The following ZNF804A variants were observed in gnomAD, a reference collection of about 807,000 sequenced individuals.
The protein encoded by ZNF804A is zinc finger protein 804A.
A neutral mutation model predicts 16.5 loss-of-function variants in ZNF804A; 2 were observed. The ratio of observed to expected loss-of-function variants is 0.12; its 90% confidence interval spans 0.05 to 0.38. The LOEUF (loss-of-function observed/expected upper bound fraction) is 0.38, where lower values mean the gene tolerates loss of function less well. Among genes scored for constraint, ZNF804A ranks in the 10% least tolerant of loss-of-function variants. The pLI is 0.99. For missense variants in ZNF804A, 1,473 were observed against 1,390.7 expected, an observed-to-expected ratio of 1.06 and a Z score of -0.94; for synonymous variants, 534 against 489.6, an observed-to-expected ratio of 1.09 and a Z score of -1.20.
At chr2:184,615,915 C>A (rs951453575) in intron 1 of ZNF804A, among the ~76,000 whole-genome samples, 3 of 152,052 alleles carry the variant, frequency 2.0e-5, no homozygotes, top group Admixed American at 1.3e-4. Flanking sequence ...GTTCCTGGGC[C>A]TGAAGATCCA....
intron 2 of ZNF804A, among the ~76,000 whole-genome samples, chr2:184,924,142 G>A (rs946757366): frequency 1.8e-4 from 28 of 151,546 alleles, no homozygotes; most frequent in African/African-American, 6.8e-4. Context: ...AGTCTGAGTA[G>A]GATTGCTACT....
chr2:184,857,217 T>C (rs1695702833), intron 1 of ZNF804A, among the ~76,000 whole-genome samples: 1 of 152,122 alleles, frequency 6.6e-6, no homozygotes, highest in East Asian at 1.9e-4. Context: ...ATTTTTCCTT[T>C]TAATTTCTTC....
At chr2:184,924,877 G>A (rs1028787188) in intron 2 of ZNF804A, among the ~76,000 whole-genome samples, 4 of 151,238 alleles carry the variant, frequency 2.6e-5, no homozygotes, top group Non-Finnish European at 5.9e-5. Flanking sequence ...TTGATTTCTG[G>A]TTTTATTCCA....
intron 2 of ZNF804A, among the ~76,000 whole-genome samples, chr2:184,910,970 C>G (rs7590456): frequency 0.044 from 6,615 of 151,984 alleles, 468 homozygotes; most frequent in African/African-American, 0.15. Flanking sequence ...TGCAGAAGCT[C>G]TTTATTTTAA....
chr2:184,907,331 A>T (rs1685292013), intron 2 of ZNF804A, among the ~76,000 whole-genome samples: 1 of 152,164 alleles, frequency 6.6e-6, no homozygotes, highest in Non-Finnish European at 1.5e-5. Flanking sequence ...CTGACTTGGA[A>T]ATTACCTGTG....
intron 1 of ZNF804A, among the ~76,000 whole-genome samples, chr2:184,635,481 C>A (rs1691680714): frequency 6.6e-6 from 1 of 152,004 alleles, no homozygotes; most frequent in Non-Finnish European, 1.5e-5. Context: ...AATAATGAAT[C>A]TTATATTTAT....
intron 1 of ZNF804A, among the ~76,000 whole-genome samples, chr2:184,822,113 G>A: frequency 6.6e-6 from 1 of 152,010 alleles, no homozygotes; most frequent in East Asian, 1.9e-4. Context: ...ACATGCATGT[G>A]TATGTTCATC....
chr2:184,764,578 A>C (rs1694087769), intron 1 of ZNF804A, among the ~76,000 whole-genome samples: 1 of 152,136 alleles, frequency 6.6e-6, no homozygotes, highest in Non-Finnish European at 1.5e-5. Flanking sequence ...TTAGCCATAC[A>C]CTGTGTAATC....
intron 2 of ZNF804A, among the ~76,000 whole-genome samples, chr2:184,917,794 TACACACACAC>T (rs148689593): frequency 7.7e-5 from 11 of 142,942 alleles, no homozygotes; most frequent in African/African-American, 1.3e-4. Context: ...AACTAGCACA[TACACACACAC>T]ACACACACAC....
At chr2:184,670,517 G>C (rs114519758) in intron 1 of ZNF804A, among the ~76,000 whole-genome samples, 1 of 151,732 alleles carries the variant, frequency 6.6e-6, no homozygotes, top group Non-Finnish European at 1.5e-5. Context: ...TTTAGTTCTT[G>C]GATTCCCTAT....
chr2:184,700,201 G>C (rs1014338032), intron 1 of ZNF804A, among the ~76,000 whole-genome samples: 4 of 152,004 alleles, frequency 2.6e-5, no homozygotes, highest in African/African-American at 7.2e-5. Context: ...GTGTTTTCAA[G>C]CATTTTTGTT....
At chr2:184,911,027 G>T (rs186606489) in intron 2 of ZNF804A, among the ~76,000 whole-genome samples, 2 of 151,982 alleles carry the variant, frequency 1.3e-5, no homozygotes, top group East Asian at 1.9e-4. Flanking sequence ...TATTTTTGAG[G>T]ACTTAGTCAT....
At chr2:184,816,112 TA>T (rs1217199513) in intron 1 of ZNF804A, among the ~76,000 whole-genome samples, 4 of 152,052 alleles carry the variant, frequency 2.6e-5, no homozygotes, top group Non-Finnish European at 4.4e-5. Context: ...CCTCAGGCAA[TA>T]AAAGACTCCA....
rs190442553 is a variant in ZNF804A, at chr2:184,603,505, A to T, written c.111+4435A>T. Reference sequence around the variant, plus strand: ...TTATTGAATATAACTTATTTTTCATATAATTCCTTTGAACATTTTCTAAAT... The same window carrying T: ...TTATTGAATATAACTTATTTTTCATTTAATTCCTTTGAACATTTTCTAAAT... On this transcript the variant is annotated intron_variant, in intron 1 of 3. Transcript: ENST00000302277. 1.0e-3 allele frequency among the ~76,000 whole-genome samples: 156 copies of T among 152,322 alleles called. 1 individual carries two copies. The highest frequency in any genetic ancestry group is 2.9e-3 in the Admixed American group (44 of 15,294).
At chr2:184,635,574 T>C (rs1272824985) in intron 1 of ZNF804A, among the ~76,000 whole-genome samples, 4 of 152,144 alleles carry the variant, frequency 2.6e-5, no homozygotes, top group Admixed American at 2.0e-4. Flanking sequence ...TATAAACTAG[T>C]TAACAAATTA....
intron 1 of ZNF804A, among the ~76,000 whole-genome samples, chr2:184,637,809 G>A (rs1691725216): frequency 6.6e-6 from 1 of 152,092 alleles, no homozygotes; most frequent in African/African-American, 2.4e-5. Flanking sequence ...TGTAGCTTGA[G>A]GGTGCAATTA....
intron 1 of ZNF804A, among the ~76,000 whole-genome samples, chr2:184,711,169 T>C (rs937671092): frequency 6.6e-6 from 1 of 151,754 alleles, no homozygotes; most frequent in African/African-American, 2.4e-5. Flanking sequence ...AGCATTTTAA[T>C]CTTTTGTTTA....
intron 1 of ZNF804A, among the ~76,000 whole-genome samples, chr2:184,636,585 G>C (rs1032445420): frequency 4.4e-4 from 63 of 144,598 alleles, no homozygotes; most frequent in African/African-American, 1.5e-3. Flanking sequence ...GTGTGTGTGT[G>C]TGTGTCTGTG....
chr2:184,773,309 T>C (rs1391232072), intron 1 of ZNF804A, among the ~76,000 whole-genome samples: 1 of 151,806 alleles, frequency 6.6e-6, no homozygotes, highest in Non-Finnish European at 1.5e-5. Context: ...AACCAATACC[T>C]GTATCTCACA....
Sources: allele counts gnomAD v4.1 joint callset (sites outside exome capture counted in the v4.1 genomes callset), GRCh38; gene constraint gnomAD v4.1.1; transcripts MANE v1.5; gene names NCBI Gene and HGNC (gene_info 2026-07-23, HGNC 2026-07-21).